NAPEPLD: variants seen among roughly 807,000 people sequenced by gnomAD.
NAPEPLD encodes N-acyl-phosphatidylethanolamine-hydrolyzing phospholipase D.
NAPEPLD carries 23 observed loss-of-function variants against 38.1 expected under a neutral mutation model. The ratio of observed to expected loss-of-function variants is 0.60; its 90% CI spans 0.43 to 0.86. The LOEUF is 0.86. NAPEPLD is among the 40% of genes least tolerant of loss of function. The pLI is 0.00. For synonymous variants in NAPEPLD, 147 were observed against 162.0 expected (o/e 0.91, Z 0.71); for missense variants, 411 against 476.8 (o/e 0.86, Z 1.28).
intron 2 of NAPEPLD, among the ~76,000 whole-genome samples, chr7:103,121,682 T>C (rs1806724592): frequency 6.6e-6 from 1 of 152,232 alleles, no homozygotes; most frequent in Non-Finnish European, 1.5e-5. Flanking sequence ...TTTTCTAGTC[T>C]AATAGTCCAT....
intron 1 of NAPEPLD, chr7:103,141,456 G>A (rs921427823): frequency 8.8e-6 from 9 of 1,023,614 alleles, no homozygotes; most frequent in Admixed American, 1.7e-5. Flanking sequence ...TTAGATCTGC[G>A]GGCCTCAGCC....
In NAPEPLD at chr7:103,100,801, A is replaced by AAAAT. The variant is rs928177971; in HGVS notation, c.*2624_*2627dup. ...CCTTCAAAATGTAGATAACAAATGA[A>AAAAT]AAATAAAGTGGAACCCACTCAATAA... On this transcript the variant is annotated 3_prime_UTR_variant, in exon 5 of 5. Transcript: ENST00000465647. The AAAAT allele has an allele frequency of 3.3e-5, 5 of 152,234 alleles. No individual in the cohort carries two copies. Among genetic ancestry groups the AAAAT allele is most frequent in the Admixed American group, 3.3e-4 (5 of 15,288 alleles). The allele number at this position is 152,234 out of a possible 1,614,324, so 9.4% of individuals were successfully genotyped here. A position where few individuals can be genotyped will look rare whatever the true frequency, so the allele number is the denominator to read the frequency against.
In NAPEPLD at chr7:103,149,083, C is replaced by CCCAG; in HGVS notation, c.-293_-290dup. On this transcript the variant is annotated 5_prime_UTR_variant, in exon 1 of 5. Coordinates refer to ENST00000465647, the MANE Select transcript of NAPEPLD (RefSeq NM_001122838.3). ...ACTTCGCCGAAGAATTCCAAACCAC[C>CCCAG]CCAGGCTCAGCAGTGTGGATTGCTC... The CCCAG allele has an allele frequency of 1.0e-6, 1 of 985,548 alleles. No homozygotes were observed. The highest frequency in any genetic ancestry group is 4.7e-5 in the South Asian group (1 of 21,274). The allele number at this position is 985,548 out of a possible 1,614,324, so 61.1% of individuals were successfully genotyped here.
intron 1 of NAPEPLD, among the ~76,000 whole-genome samples, chr7:103,139,928 G>A (rs887004912): frequency 1.3e-5 from 2 of 152,184 alleles, no homozygotes; most frequent in Non-Finnish European, 1.5e-5. Context: ...AGATCCCTGA[G>A]TTCAATTCAG....
intron 2 of NAPEPLD, chr7:103,127,548 G>A (rs1312745818): frequency 6.6e-6 from 1 of 152,190 alleles, no homozygotes; most frequent in Admixed American, 6.5e-5. Flanking sequence ...GGGAGCCCAG[G>A]AGGCTGGTGA....
At position 103,102,988 on chromosome 7, in the gene NAPEPLD, G is replaced by C. The variant is rs1802614311; in HGVS notation, c.*441C>G. The C allele has an allele frequency of 6.5e-6, 1 of 152,744 alleles. No individual in the cohort carries two copies. The allele number at this position is 152,744 out of a possible 1,614,324, so 9.5% of individuals were successfully genotyped here. On this transcript the variant is annotated 3_prime_UTR_variant, in exon 5 of 5. Coordinates refer to ENST00000465647, the MANE Select transcript of NAPEPLD (RefSeq NM_001122838.3). The stretch of plus-strand genomic sequence containing the variant: ...ATCATTTATTAGAATGTGCATATAA[G>C]AAAGATACTTGTATTTGTAGGCCTC...
At chr7:103,139,784 G>T (rs1248077309) in intron 1 of NAPEPLD, among the ~76,000 whole-genome samples, 1 of 152,116 alleles carries the variant, frequency 6.6e-6, no homozygotes, top group East Asian at 1.9e-4. Context: ...GGGAAACAAG[G>T]CCCAGGACAT....
upstream of NAPEPLD, chr7:103,149,531 C>G (rs767708154): frequency 6.6e-4 from 829 of 1,250,112 alleles, no homozygotes; most frequent in Non-Finnish European, 7.4e-4. Flanking sequence ...ACCTTCGAAT[C>G]TGACAGCAGG....
upstream of NAPEPLD, chr7:103,149,411 G>A: frequency 8.1e-7 from 1 of 1,227,736 alleles, no homozygotes; most frequent in Non-Finnish European, 1.0e-6. Context: ...CCTAACCCGA[G>A]CCCGCCGCGC....
chr7:103,117,240 C>G (rs1191934306), intron 3 of NAPEPLD, among the ~76,000 whole-genome samples: 1 of 152,148 alleles, frequency 6.6e-6, no homozygotes, highest in Admixed American at 6.5e-5. Context: ...GTTGCTGGGT[C>G]CTACAGAAGG....
chr7:103,110,207 T>TA (rs1804233336), intron 4 of NAPEPLD, among the ~76,000 whole-genome samples: 1 of 152,314 alleles, frequency 6.6e-6, no homozygotes, highest in South Asian at 2.1e-4. Context: ...GAATCCTCCC[T>TA]AACTCGTTTT....
At position 103,128,519 on chromosome 7, in the gene NAPEPLD, C is replaced by A. The variant is rs749205399; in HGVS notation, c.258G>T (p.Met86Ile). Residue 86 changes from methionine to isoleucine, a missense_variant, in exon 2 of 5, where the codon ATG becomes ATT. Coordinates refer to ENST00000465647, the MANE Select transcript of NAPEPLD (RefSeq NM_001122838.3). ...SIPNVLRWLI[M>I]EKDHSSVPSS... ...TTGGAACACTGCTGTGATCTTTCTCCATTATCAGCCATCTGAGAACATTTG... is the reference window on the plus strand; with the variant it reads ...TTGGAACACTGCTGTGATCTTTCTCAATTATCAGCCATCTGAGAACATTTG... The A allele has an allele frequency of 6.2e-7, 1 of 1,614,212 alleles. No homozygotes were observed. The highest frequency in any genetic ancestry group is 2.2e-5 in the East Asian group (1 of 44,880).
At chr7:103,108,230 C>A (rs1652289024) in intron 4 of NAPEPLD, among the ~76,000 whole-genome samples, 1 of 150,622 alleles carries the variant, frequency 6.6e-6, no homozygotes, top group South Asian at 2.1e-4. Flanking sequence ...GCAACCTCCA[C>A]CTCCCGGGTT....
chr7:103,107,387 G>T (rs979850702), intron 4 of NAPEPLD, among the ~76,000 whole-genome samples: 12 of 152,032 alleles, frequency 7.9e-5, no homozygotes, highest in African/African-American at 2.4e-4. Context: ...AAGAAAACTG[G>T]ACACAGAATG....
intron 1 of NAPEPLD, chr7:103,141,723 C>T (rs1250813486): frequency 1.2e-6 from 1 of 864,218 alleles, no homozygotes; most frequent in East Asian, 2.4e-5. Flanking sequence ...ATATGCCTGC[C>T]CTTCCGGCAG....
intron 1 of NAPEPLD, among the ~76,000 whole-genome samples, chr7:103,139,846 A>G (rs911987085): frequency 1.3e-5 from 2 of 152,212 alleles, no homozygotes; most frequent in African/African-American, 4.8e-5. Flanking sequence ...TACACTGTAA[A>G]TAACAGGGTC....
At position 103,119,778 on chromosome 7, in the gene NAPEPLD, A is replaced by G. The variant is rs1806264571; in HGVS notation, c.740T>C (p.Val247Ala). Residue 247 changes from valine (V) to alanine (A), a missense_variant, in exon 3 of 5, where the codon GTC becomes GCC. Val to Ala is a moderately conservative substitution (Grantham distance 64). Transcript: ENST00000465647. ...ACACCAGTGCTGGGAAGGTGTAAAG[A>G]CAAAAGTGACCTTATCATGTCCGGG... ...CVPGHDKVTFVFTPSQHWCKR... is the reference protein window; with the variant it reads ...CVPGHDKVTFAFTPSQHWCKR... 1.2e-6 allele frequency: 2 copies of G among 1,614,060 alleles called. No homozygotes were observed. The highest frequency in any genetic ancestry group is 2.7e-5 in the African/African-American group (2 of 74,924).
At chr7:103,129,711 G>C (rs1808530001) in intron 1 of NAPEPLD, among the ~76,000 whole-genome samples, 1 of 152,224 alleles carries the variant, frequency 6.6e-6, no homozygotes, top group African/African-American at 2.4e-5. Context: ...TGCCAAGTCA[G>C]TGAGTATGTA....
intron 4 of NAPEPLD, among the ~76,000 whole-genome samples, chr7:103,109,158 T>C (rs143316243): frequency 0.011 from 1,643 of 152,162 alleles, 27 homozygotes; most frequent in African/African-American, 0.037. Flanking sequence ...TAACACCACA[T>C]TGTCAATATT....
Sources: gnomAD v4.1 joint callset for allele counts (sites outside exome capture counted in the v4.1 genomes callset) on GRCh38, gnomAD v4.1.1 for gene constraint, MANE v1.5 for transcripts, NCBI Gene and HGNC (gene_info 2026-07-23, HGNC 2026-07-21) for gene names.